Variants in NFIX observed in about 807,000 individuals in gnomAD.
The protein encoded by NFIX is nuclear factor I X, also known as nuclear factor 1 X-type.
Under a neutral mutation model 53.3 loss-of-function variants are expected in NFIX, and 2 were observed. That is an observed-to-expected ratio of 0.04 (90% CI 0.02 to 0.12). The LOEUF (loss-of-function observed/expected upper bound fraction) is 0.12. Among genes scored for constraint, NFIX ranks in the 10% least tolerant of loss-of-function variants. NFIX has a pLI of 1.00. For missense variants in NFIX, 310 were observed against 674.5 expected, an observed-to-expected ratio of 0.46 and a Z score of 5.99; for synonymous variants, 244 against 289.0, an observed-to-expected ratio of 0.84 and a Z score of 1.58.
chr19:13,078,786 T>C lies in NFIX; in HGVS notation c.1078+51T>C, dbSNP rs2017278790. On this transcript the variant is annotated intron_variant, in intron 7 of 10. Coordinates refer to ENST00000592199, the MANE Select transcript of NFIX (RefSeq NM_001365902.3). The surrounding 1 kb of genome is among the most constrained non-coding windows in gnomAD (Gnocchi z 4.7). ...GGGCAGTTGGGGAGGTGGCTGAGTA[T>C]CTAGGGGCAGCTGGCCAGGTGAAGG... 6.4e-7 allele frequency: 1 copy of C among 1,557,666 alleles called. No individual in the cohort carries two copies. The highest frequency in any genetic ancestry group is 1.9e-5 in the Admixed American group (1 of 53,502).
rs184334581 is a variant in NFIX at position 13,001,476 on chromosome 19, G to A, written c.27+5612G>A. Among the ~76,000 whole-genome samples, 8 of 152,214 alleles carry A rather than the reference G, an allele frequency of 5.3e-5. No homozygotes were observed. The highest frequency in any genetic ancestry group is 3.9e-4 in the Admixed American group (6 of 15,290). ...TCACGGTGGCGCTGCGCACGTCAAC[G>A]GGTATTGGTGTACCGGTCACCATCT... On this transcript the variant is annotated intron_variant, in intron 1 of 10. Coordinates refer to ENST00000592199, the MANE Select transcript of NFIX (RefSeq NM_001365902.3). The surrounding 1 kb of genome is among the most constrained non-coding windows in gnomAD (Gnocchi z 6.5).
chr19:13,019,719 T>TTTG (rs149894273), intron 1 of NFIX, among the ~76,000 whole-genome samples: 1 of 145,340 alleles, frequency 6.9e-6, no homozygotes, highest in South Asian at 2.2e-4. Flanking sequence ...CTGGTTTTTT[T>TTTG]TTTGTTTGTT....
At chr19:13,024,492 T>C in intron 1 of NFIX, 1 of 1,492,228 alleles carries the variant, frequency 6.7e-7, no homozygotes, top group African/African-American at 1.4e-5. Flanking sequence ...TCATTTTCTG[T>C]CTTCTTGGGG....
rs899207504 is a variant in NFIX, at chr19:13,052,327, G to A, written c.560-20720G>A. 6.6e-6 allele frequency among the ~76,000 whole-genome samples: 1 copy of A among 152,214 alleles called. No homozygotes were observed. The highest frequency in any genetic ancestry group is 1.5e-5 in the Non-Finnish European group (1 of 68,036). ...GGAATGGAGCCATCCTTAGGAGACA[G>A]AGGCACACTGCTGGCCATCTAGGCT... On this transcript the variant is annotated intron_variant, in intron 2 of 10. Transcript: ENST00000592199. The surrounding 1 kb of genome is among the most constrained non-coding windows in gnomAD (Gnocchi z 5.2).
chr19:13,073,401 C>G lies in NFIX; in HGVS notation c.623-21C>G. 1 of 1,608,848 alleles carries G rather than the reference C, an allele frequency of 6.2e-7. No individual in the cohort carries two copies. Among genetic ancestry groups the G allele is most frequent in the South Asian group, 1.1e-5 (1 of 90,988 alleles). On this transcript the variant is annotated intron_variant, in intron 3 of 10. Coordinates refer to ENST00000592199, the MANE Select transcript of NFIX (RefSeq NM_001365902.3). The surrounding 1 kb of genome is among the most constrained non-coding windows in gnomAD (Gnocchi z 4.5). ...CCCCTTCTGGCCTTGTCTTGACTCA[C>G]TCATCCTTTCCCCTCTTCAGGGCAC...
In NFIX at chr19:13,052,391, G is replaced by T. The variant is rs1028615378; in HGVS notation, c.560-20656G>T. The stretch of plus-strand genomic sequence containing the variant: ...AGATGGGAGCCCACCTGGATGGCAC[G>T]AACCACCTGAGTGATCCCCCTGTTC... On this transcript the variant is annotated intron_variant, in intron 2 of 10. Coordinates refer to ENST00000592199, the MANE Select transcript of NFIX (RefSeq NM_001365902.3). This position sits in a 1 kb window ranked among gnomAD's most constrained non-coding sequence, Gnocchi z 5.2. 1.3e-5 allele frequency among the ~76,000 whole-genome samples: 2 copies of T among 152,142 alleles called. No individual in the cohort carries two copies. Among genetic ancestry groups the T allele is most frequent in the Admixed American group, 6.5e-5 (1 of 15,290 alleles).
rs2014197328 is a variant in NFIX at position 13,036,465 on chromosome 19, G to C, written c.559+10913G>C. Among the ~76,000 whole-genome samples, 1 of 152,098 alleles carries C rather than the reference G, an allele frequency of 6.6e-6. No homozygotes were observed. ...CAGAGAGGGCTTTGCGGTTGAGTCT[G>C]CCAGTCTGGAGAAGGCTGCTCTCCA... On this transcript the variant is annotated intron_variant, in intron 2 of 10. Coordinates refer to ENST00000592199, the MANE Select transcript of NFIX (RefSeq NM_001365902.3). This position sits in a 1 kb window ranked among gnomAD's most constrained non-coding sequence, Gnocchi z 4.7.
In NFIX at chr19:13,094,047, TCCAGCA is replaced by T. The variant is rs1218058671; in HGVS notation, c.1495-584_1495-579del. Among the ~76,000 whole-genome samples, 1 of 152,112 alleles carries T rather than the reference TCCAGCA, an allele frequency of 6.6e-6. No individual in the cohort carries two copies. The highest frequency in any genetic ancestry group is 6.5e-5 in the Admixed American group (1 of 15,276). On this transcript the variant is annotated intron_variant, in intron 10 of 10. Coordinates refer to ENST00000592199, the MANE Select transcript of NFIX (RefSeq NM_001365902.3). This position sits in a 1 kb window ranked among gnomAD's most constrained non-coding sequence, Gnocchi z 4.3. ...TGTCTGGTGCCCTGAGGGTAGAGGATCCAGCACCATGGGCTACGTGGCCCCTCCCCC... is the reference window on the plus strand; with the variant it reads ...TGTCTGGTGCCCTGAGGGTAGAGGATCCATGGGCTACGTGGCCCCTCCCCC...
chr19:13,012,083 C>T lies in NFIX; in HGVS notation c.28-12938C>T, dbSNP rs768905333. On this transcript the variant is annotated intron_variant, in intron 1 of 10. Transcript: ENST00000592199. This position sits in a 1 kb window ranked among gnomAD's most constrained non-coding sequence, Gnocchi z 5.0. ...CCAGAACCGGGGCGCGAAGGGGCCG[C>T]GGGACACGAGCGGGCCGTGCGCAAA... The T allele has an allele frequency of 6.6e-6, 1 of 152,040 alleles. No individual in the cohort carries two copies. Among genetic ancestry groups the T allele is most frequent in the Non-Finnish European group, 1.5e-5 (1 of 68,046 alleles). The allele number at this position is 152,040 out of a possible 1,614,324, so 9.4% of individuals were successfully genotyped here. A position where few individuals can be genotyped will look rare whatever the true frequency, so the allele number is the denominator to read the frequency against.
intron 1 of NFIX, among the ~76,000 whole-genome samples, chr19:13,000,762 G>A (rs1283097593): frequency 6.6e-6 from 1 of 152,194 alleles, no homozygotes; most frequent in Admixed American, 6.5e-5. Flanking sequence ...CCTGGGCGTT[G>A]TCACCTGGAC....
rs574370362 is a variant in NFIX, at chr19:13,028,028, G to A, written c.559+2476G>A. On this transcript the variant is annotated intron_variant, in intron 2 of 10. Coordinates refer to ENST00000592199, the MANE Select transcript of NFIX (RefSeq NM_001365902.3). The surrounding 1 kb of genome is among the most constrained non-coding windows in gnomAD (Gnocchi z 4.2). ...GGGCCACCAGTGGGCTGCATCACTT[G>A]TTCCTCTTTGGAGTTGGGTTGGGTG... Among the ~76,000 whole-genome samples, 31 of 152,336 alleles carry A rather than the reference G, an allele frequency of 2.0e-4. No homozygotes were observed. Among genetic ancestry groups the A allele is most frequent in the African/African-American group, 7.2e-4 (30 of 41,586 alleles).
Position 13,097,068 on chromosome 19 carries a change from A to G in NFIX, c.*2419A>G, listed in dbSNP as rs1475617517. The G allele has an allele frequency of 6.6e-6, 1 of 151,718 alleles. No individual in the cohort carries two copies. Among genetic ancestry groups the G allele is most frequent in the African/African-American group, 2.4e-5 (1 of 41,372 alleles). 9.4% of individuals were successfully genotyped at this position (151,718 alleles called of 1,614,324 possible). A position where few individuals can be genotyped will look rare whatever the true frequency, so the allele number is the denominator to read the frequency against. On this transcript the variant is annotated 3_prime_UTR_variant, in exon 11 of 11. Coordinates refer to ENST00000592199, the MANE Select transcript of NFIX (RefSeq NM_001365902.3). ...TATGTTAAGAGATTAAGAAAAAAAAATTCTATTTTTGTTGTAATGTCCTCG... is the reference window on the plus strand; with the variant it reads ...TATGTTAAGAGATTAAGAAAAAAAAGTTCTATTTTTGTTGTAATGTCCTCG...
intron 2 of NFIX, among the ~76,000 whole-genome samples, chr19:13,032,074 C>T (rs1415710942): frequency 3.9e-5 from 6 of 152,188 alleles, no homozygotes; most frequent in East Asian, 1.9e-4. Flanking sequence ...CGTGTCAGCG[C>T]GGTGCTCGCA....
rs1193388529 is a variant in NFIX at position 13,052,949 on chromosome 19, TCTC to T, written c.560-20093_560-20091del. 6.6e-6 allele frequency among the ~76,000 whole-genome samples: 1 copy of T among 152,166 alleles called. No individual in the cohort carries two copies. Among genetic ancestry groups the T allele is most frequent in the Non-Finnish European group, 1.5e-5 (1 of 68,004 alleles). On this transcript the variant is annotated intron_variant, in intron 2 of 10. Transcript: ENST00000592199. The surrounding 1 kb of genome is among the most constrained non-coding windows in gnomAD (Gnocchi z 5.2). ...TGGAAATCCAGACAGAAACCTGCCT[TCTC>T]CTCCATCCCCACTTGAAGCTGCTGG...
At chr19:13,077,976 T>G (rs2145454805) in intron 6 of NFIX, among the ~76,000 whole-genome samples, 1 of 152,320 alleles carries the variant, frequency 6.6e-6, no homozygotes, top group South Asian at 2.1e-4. Context: ...GTCCCCTGGC[T>G]GGGGGAGTCT....
At chr19:13,031,215 C>T (rs978073409) in intron 2 of NFIX, among the ~76,000 whole-genome samples, 1 of 152,192 alleles carries the variant, frequency 6.6e-6, no homozygotes, top group Admixed American at 6.5e-5. Flanking sequence ...CAGGGGGTTT[C>T]TCAGTAGAGT....
intron 2 of NFIX, among the ~76,000 whole-genome samples, chr19:13,026,034 G>C (rs563340339): frequency 6.6e-6 from 1 of 152,300 alleles, no homozygotes; most frequent in South Asian, 2.1e-4. Flanking sequence ...GCAGGAGTCC[G>C]GTGGAGAGAA....
chr19:13,030,300 C>G (rs2013699658), intron 2 of NFIX, among the ~76,000 whole-genome samples: 1 of 152,162 alleles, frequency 6.6e-6, no homozygotes, highest in African/African-American at 2.4e-5. Context: ...AAAATTCTTC[C>G]ATTCTTCCAT....
At chr19:13,069,318 A>C (rs1475516182) in intron 2 of NFIX, among the ~76,000 whole-genome samples, 2 of 152,204 alleles carry the variant, frequency 1.3e-5, no homozygotes, top group African/African-American at 4.8e-5. Flanking sequence ...TCCAGGGGAC[A>C]TGGCCCCAGA....
Sources: gnomAD v4.1 joint callset for allele counts (sites outside exome capture counted in the v4.1 genomes callset) on GRCh38, gnomAD v4.1.1 for gene constraint, Gnocchi (gnomAD v3.1) non-coding constraint, MANE v1.5 for transcripts, NCBI Gene and HGNC (gene_info 2026-07-23, HGNC 2026-07-21) for gene names.